Variants in ARHGEF19 observed in about 807,000 individuals in gnomAD.
The protein encoded by ARHGEF19 is Rho guanine nucleotide exchange factor (GEF) 19.
ARHGEF19 carries 92 observed loss-of-function variants against 87.6 expected under a neutral mutation model. That is an observed-to-expected ratio of 1.05 (90% CI 0.89 to 1.25). The LOEUF (loss-of-function observed/expected upper bound fraction) is 1.25. ARHGEF19 is among the 50% of genes most tolerant of loss of function. The pLI is 0.00. For missense variants in ARHGEF19, 1,054 were observed against 1,051.8 expected (o/e 1.00, Z -0.03); for synonymous variants, 438 against 446.2 (o/e 0.98, Z 0.23).
chr1:16,205,726 C>T lies in ARHGEF19; in HGVS notation c.1452-59G>A, dbSNP rs1349692740. 6.5e-7 allele frequency: 1 copy of T among 1,545,218 alleles called. No homozygotes were observed. The highest frequency in any genetic ancestry group is 1.4e-5 in the African/African-American group (1 of 72,450). ...AGGCCTGAATTCCTGGGATCCACAA[C>T]CCTGGCCATCCACGGGGTCCTCAGG... On this transcript the variant is annotated intron_variant, in intron 8 of 15. Transcript: ENST00000270747. This position sits in a 1 kb window ranked among gnomAD's most constrained non-coding sequence, Gnocchi z 5.8.
At position 16,205,773 on chromosome 1, in the gene ARHGEF19, C is replaced by T; in HGVS notation, c.1452-106G>A. On this transcript the variant is annotated intron_variant, in intron 8 of 15. Transcript: ENST00000270747. The surrounding 1 kb of genome is among the most constrained non-coding windows in gnomAD (Gnocchi z 5.8). ...CAGGGGGCTTCTCAGCACATCCTTA[C>T]TGCCCTTTGGGGTTGCATCTCACCT... 1 of 1,494,746 alleles carries T rather than the reference C, an allele frequency of 6.7e-7. No individual in the cohort carries two copies. The highest frequency in any genetic ancestry group is 1.3e-5 in the South Asian group (1 of 76,354). 92.6% of individuals were successfully genotyped at this position (1,494,746 alleles called of 1,614,324 possible). A position where few individuals can be genotyped will look rare whatever the true frequency, so the allele number is the denominator to read the frequency against.
chr1:16,199,030 T>C (rs2081062482), intron 15 of ARHGEF19, 120 bp downstream of exon 15: 1 of 1,010,424 alleles, frequency 9.9e-7, no homozygotes, highest in Admixed American at 2.1e-5. Flanking sequence ...TCTAACCTGA[T>C]TCCCACATGC....
chr1:16,207,602 G>A lies in ARHGEF19; in HGVS notation c.798-4C>T, dbSNP rs952123175. ...CGGCTCTTCCTGTGTGTCTAGCCTA[G>A]GAAAGAGAGAGCGTCACGGCCCTAG... On this transcript the variant is annotated splice_region_variant and splice_polypyrimidine_tract_variant and intron_variant, in intron 4 of 15. Transcript: ENST00000270747. The surrounding 1 kb of genome is among the most constrained non-coding windows in gnomAD (Gnocchi z 4.0). The A allele has an allele frequency of 1.7e-5, 27 of 1,613,888 alleles. No individual in the cohort carries two copies. The highest frequency in any genetic ancestry group is 2.1e-5 in the Non-Finnish European group (25 of 1,180,016).
chr1:16,205,105 C>CT lies in ARHGEF19; in HGVS notation c.1727dup (p.Ile577AspfsTer4), dbSNP rs1282490409. Reference sequence around the variant, plus strand: ...CACACACCTTGCCCTCAAAGTGGATCTTCTTGCTCAGGTGGATGAGTTCCT... The same window carrying CT: ...CACACACCTTGCCCTCAAAGTGGATCTTTCTTGCTCAGGTGGATGAGTTCCT... On this transcript the variant is annotated frameshift_variant, in exon 11 of 16. Transcript: ENST00000270747. LOFTEE classifies it high-confidence loss of function. The surrounding 1 kb of genome is among the most constrained non-coding windows in gnomAD (Gnocchi z 5.8). 1 of 1,605,206 alleles carries CT rather than the reference C, an allele frequency of 6.2e-7. No individual in the cohort carries two copies. The highest frequency in any genetic ancestry group is 1.3e-5 in the African/African-American group (1 of 74,780).
At chr1:16,202,928 G>C (rs960441038) in intron 12 of ARHGEF19, among the ~76,000 whole-genome samples, 2 of 152,110 alleles carry the variant, frequency 1.3e-5, no homozygotes, top group Non-Finnish European at 2.9e-5. Flanking sequence ...CCAGGCTGGA[G>C]TGCAGTGGCA....
In ARHGEF19 at chr1:16,198,380, G is replaced by T. The variant is rs1186699426; in HGVS notation, c.*207C>A. The T allele has an allele frequency of 6.3e-6, 3 of 474,066 alleles. No individual in the cohort carries two copies. In the East Asian group the frequency reaches 1.0e-4, roughly 16 times the overall value. The allele number at this position is 474,066 out of a possible 1,614,324, so 29.4% of individuals were successfully genotyped here. A position where few individuals can be genotyped will look rare whatever the true frequency, so the allele number is the denominator to read the frequency against. ...ATGTCAGAGGAAGAAACTATCCTTG[G>T]CCTTGAAGTGTGGACACTGAGGAGC... On this transcript the variant is annotated 3_prime_UTR_variant, in exon 16 of 16. Transcript: ENST00000270747. This position sits in a 1 kb window ranked among gnomAD's most constrained non-coding sequence, Gnocchi z 4.1.
In ARHGEF19 at chr1:16,207,806, G is replaced by T. The variant is rs548059204; in HGVS notation, c.695-29C>A. On this transcript the variant is annotated intron_variant, in intron 3 of 15. Transcript: ENST00000270747. The surrounding 1 kb of genome is among the most constrained non-coding windows in gnomAD (Gnocchi z 4.0). ...GAGAGGGCGAGAACTGAGGGTGGGGGGTCCAGAGAGTGGGCCTGGGGCCTG... is the reference window on the plus strand; with the variant it reads ...GAGAGGGCGAGAACTGAGGGTGGGGTGTCCAGAGAGTGGGCCTGGGGCCTG... 7 of 1,611,168 alleles carry T rather than the reference G, an allele frequency of 4.3e-6. No individual in the cohort carries two copies. The highest frequency in any genetic ancestry group is 5.9e-6 in the Non-Finnish European group (7 of 1,179,238).
Position 16,198,399 on chromosome 1 carries a change from G to T in ARHGEF19, c.*188C>A. ...TCCTTGGCCTTGAAGTGTGGACACTGAGGAGCATGAGGACGGAGAGACCCT... is the reference window on the plus strand; with the variant it reads ...TCCTTGGCCTTGAAGTGTGGACACTTAGGAGCATGAGGACGGAGAGACCCT... On this transcript the variant is annotated 3_prime_UTR_variant, in exon 16 of 16. Coordinates refer to ENST00000270747, the MANE Select transcript of ARHGEF19 (RefSeq NM_153213.5). The surrounding 1 kb of genome is among the most constrained non-coding windows in gnomAD (Gnocchi z 4.1). The T allele has an allele frequency of 7.2e-6, 4 of 557,636 alleles. No individual in the cohort carries two copies. In the South Asian group the frequency reaches 1.3e-4, roughly 18 times the overall value. The allele number at this position is 557,636 out of a possible 1,614,324, so 34.5% of individuals were successfully genotyped here. A position where few individuals can be genotyped will look rare whatever the true frequency, so the allele number is the denominator to read the frequency against.
Position 16,207,814 on chromosome 1 carries a change from G to C in ARHGEF19, c.695-37C>G, listed in dbSNP as rs754927317. 1.9e-6 allele frequency: 3 copies of C among 1,610,352 alleles called. No individual in the cohort carries two copies. The highest frequency in any genetic ancestry group is 2.2e-5 in the South Asian group (2 of 90,920). ...GAGAACTGAGGGTGGGGGGTCCAGA[G>C]AGTGGGCCTGGGGCCTGGGCCCCGG... On this transcript the variant is annotated intron_variant, in intron 3 of 15. Coordinates refer to ENST00000270747, the MANE Select transcript of ARHGEF19 (RefSeq NM_153213.5). This position sits in a 1 kb window ranked among gnomAD's most constrained non-coding sequence, Gnocchi z 4.0.
intron 13 of ARHGEF19, among the ~76,000 whole-genome samples, chr1:16,202,105 G>A (rs3818162): frequency 0.42 from 64,205 of 151,710 alleles, 14,600 homozygotes; most frequent in East Asian, 0.71. Context: ...CCCCCATCCT[G>A]CCTAATGCCA....
rs2081161839 is a variant in ARHGEF19 at position 16,208,010 on chromosome 1, G to A, written c.628C>T (p.Arg210Cys). Residue 210 changes from arginine to cysteine, a missense_variant, in exon 3 of 16, where the codon CGC becomes TGC. Physicochemically the swap from Arg to Cys is radical, Grantham distance 180 (BLOSUM62 -3). Coordinates refer to ENST00000270747, the MANE Select transcript of ARHGEF19 (RefSeq NM_153213.5). ...ELMTRLHSSL[R>C]LGRNSAARAL... ...CGGGCTGCTGAATTCCGCCCCAGGC[G>A]CAGAGAAGAGTGCAGCCGGGTCATC... The A allele has an allele frequency of 1.2e-6, 2 of 1,613,244 alleles. No individual in the cohort carries two copies. The highest frequency in any genetic ancestry group is 2.2e-5 in the East Asian group (1 of 44,854).
intron 14 of ARHGEF19, among the ~76,000 whole-genome samples, chr1:16,199,884 C>A (rs989961663): frequency 6.6e-6 from 1 of 152,068 alleles, no homozygotes; most frequent in Admixed American, 6.6e-5. Flanking sequence ...CCTCCCTACT[C>A]GCTCACAAAG....
chr1:16,201,674 G>T, intron 14 of ARHGEF19, 108 bp downstream of exon 14: 1 of 1,170,452 alleles, frequency 8.5e-7, no homozygotes, highest in Non-Finnish European at 1.2e-6. Flanking sequence ...CCCAGAAGTT[G>T]GTCTCTCTCC....
At position 16,206,962 on chromosome 1, in the gene ARHGEF19, A is replaced by T. The variant is rs777123754; in HGVS notation, c.1123T>A (p.Cys375Ser). The T allele has an allele frequency of 6.7e-7, 1 of 1,494,744 alleles. No individual in the cohort carries two copies. Among genetic ancestry groups the T allele is most frequent in the South Asian group, 1.2e-5 (1 of 80,108 alleles). 92.6% of individuals were successfully genotyped at this position (1,494,744 alleles called of 1,614,324 possible). A position where few individuals can be genotyped will look rare whatever the true frequency, so the allele number is the denominator to read the frequency against. The change falls in exon 6 of 16, where the codon TGC becomes AGC. Residue 375 changes from cysteine (C) to serine (S), a missense_variant. Coordinates refer to ENST00000270747, the MANE Select transcript of ARHGEF19 (RefSeq NM_153213.5). The surrounding 1 kb of genome is among the most constrained non-coding windows in gnomAD (Gnocchi z 4.6). ...GVLATLSLRDCKLQEAKFELI... is the reference protein window; with the variant it reads ...GVLATLSLRDSKLQEAKFELI... ...CGCGCGCCCACCTCCTGCAGCTTGC[A>T]GTCCCGCAGGCTCAGCGTGGCCAGG... is the stretch of plus-strand genomic sequence containing the variant.
chr1:16,212,401 G>C (rs1335694692), intron 1 of ARHGEF19, 101 bp downstream of exon 1: 1 of 152,490 alleles, frequency 6.6e-6, no homozygotes, highest in African/African-American at 2.4e-5. Flanking sequence ...TAGTGGGTCA[G>C]AGCCAGGATC....
chr1:16,208,144 A>G lies in ARHGEF19; in HGVS notation c.494T>C (p.Val165Ala). 6.2e-7 allele frequency: 1 copy of G among 1,613,276 alleles called. No individual in the cohort carries two copies. The highest frequency in any genetic ancestry group is 8.5e-7 in the Non-Finnish European group (1 of 1,179,434). Residue 165 changes from valine to alanine, a missense_variant, in exon 3 of 16, where the codon GTA (valine) becomes GCA (alanine). Val to Ala is a moderately conservative substitution (Grantham distance 64). Transcript: ENST00000270747. ...TGTGCTCAGGGCCTGCTCTTGCACT[A>G]CCTGGCCAGGCTCTAGGAAGACAGC... ...AHAVFLEPGQVVQEQALSTEE... is the reference protein window; with the variant it reads ...AHAVFLEPGQAVQEQALSTEE...
Position 16,206,812 on chromosome 1 carries a change from A to G in ARHGEF19, c.1137+136T>C. 8.5e-7 allele frequency: 1 copy of G among 1,177,006 alleles called. No individual in the cohort carries two copies. Among genetic ancestry groups the G allele is most frequent in the Non-Finnish European group, 1.1e-6 (1 of 892,340 alleles). 72.9% of individuals were successfully genotyped at this position (1,177,006 alleles called of 1,614,324 possible). ...CCTCGTGTAGTCAGGTCCTAGAGCC[A>G]ACCTTCCGCGCGGACAGTCGCGCCA... On this transcript the variant is annotated intron_variant, in intron 6 of 15. Transcript: ENST00000270747. The surrounding 1 kb of genome is among the most constrained non-coding windows in gnomAD (Gnocchi z 4.6).
rs768649657 is a variant in ARHGEF19 at position 16,201,799 on chromosome 1, A to G, written c.2129T>C (p.Val710Ala). 12 of 1,613,456 alleles carry G rather than the reference A, an allele frequency of 7.4e-6. No homozygotes were observed. The Admixed American group carries it at 2.0e-4, about 27-fold the overall frequency. ...CPSSPQEDKE[V>A]ISEGEDCPQV... ...GCTACTACCTTCCCCCTCACTGATG[A>G]CCTCCTTGTCCTCCTGGGGGCTGGA... is the stretch of plus-strand genomic sequence containing the variant. The change falls in exon 14 of 16, where the codon GTC becomes GCC. Residue 710 changes from valine to alanine, a missense_variant. Transcript: ENST00000270747.
chr1:16,201,647 G>C (rs2081084238), intron 14 of ARHGEF19, 135 bp downstream of exon 14: 7 of 853,648 alleles, frequency 8.2e-6, no homozygotes, highest in Non-Finnish European at 1.2e-5. Context: ...AGGTTCCTCA[G>C]AGCTACCCCT....
Sources: gnomAD v4.1 joint callset for allele counts (sites outside exome capture counted in the v4.1 genomes callset) on GRCh38, gnomAD v4.1.1 for gene constraint, Gnocchi (gnomAD v3.1) non-coding constraint, MANE v1.5 for transcripts, NCBI Gene and HGNC (gene_info 2026-07-23, HGNC 2026-07-21) for gene names.